DNER: variants seen among roughly 807,000 people sequenced by gnomAD.
DNER encodes delta and Notch-like epidermal growth factor-related receptor.
In DNER, 33 loss-of-function variants were observed where a neutral mutation model predicts 78.2. The ratio of observed to expected loss-of-function variants is 0.42; its 90% CI spans 0.32 to 0.56. DNER has a LOEUF of 0.56. DNER is among the 20% of genes least tolerant of loss of function. The pLI is 0.11. For synonymous variants in DNER, 417 were observed against 384.8 expected (o/e 1.08, Z -0.98); for missense variants, 918 against 975.3 (o/e 0.94, Z 0.78).
chr2:229,672,348 C>A (rs757884962), intron 1 of DNER, among the ~76,000 whole-genome samples: 1 of 151,518 alleles, frequency 6.6e-6, no homozygotes, highest in Non-Finnish European at 1.5e-5. Context: ...AGCAGCCGGA[C>A]TTTTGAGATG....
At chr2:229,647,202 T>C (rs866374950) in intron 1 of DNER, among the ~76,000 whole-genome samples, 1 of 151,956 alleles carries the variant, frequency 6.6e-6, no homozygotes, top group Non-Finnish European at 1.5e-5. Flanking sequence ...ACATACAGGG[T>C]AAGAAGAGGT....
chr2:229,639,620 A>G (rs912031021), intron 1 of DNER, among the ~76,000 whole-genome samples: 1 of 152,218 alleles, frequency 6.6e-6, no homozygotes, highest in East Asian at 1.9e-4. Context: ...CACAAAGAAT[A>G]AAAATAATGA....
chr2:229,518,280 T>C (rs1055925235), intron 5 of DNER, among the ~76,000 whole-genome samples: 14 of 152,348 alleles, frequency 9.2e-5, no homozygotes, highest in African/African-American at 3.1e-4. Context: ...AATAATTCCA[T>C]TCATTCAACA....
intron 1 of DNER, among the ~76,000 whole-genome samples, chr2:229,659,172 C>T (rs981292795): frequency 6.6e-6 from 1 of 152,090 alleles, no homozygotes; most frequent in Non-Finnish European, 1.5e-5. Flanking sequence ...GATGGGGCAT[C>T]CTTTCAAAGT....
At chr2:229,549,659 C>T (rs981552363) in intron 4 of DNER, among the ~76,000 whole-genome samples, 7 of 152,226 alleles carry the variant, frequency 4.6e-5, no homozygotes, top group East Asian at 1.9e-4. Flanking sequence ...TGCCTGTAAC[C>T]CCAGGATTTT....
chr2:229,495,267 G>A (rs1275265437), intron 6 of DNER, among the ~76,000 whole-genome samples: 1 of 152,098 alleles, frequency 6.6e-6, no homozygotes, highest in African/African-American at 2.4e-5. Flanking sequence ...CTCAGCCAAG[G>A]TTTTTGCCAC....
chr2:229,480,574 C>T (rs1322009594), intron 6 of DNER, among the ~76,000 whole-genome samples: 2 of 152,060 alleles, frequency 1.3e-5, no homozygotes, highest in Non-Finnish European at 2.9e-5. Context: ...TGTTAAGTGC[C>T]CCAATACCGT....
At chr2:229,610,187 A>G (rs1261889890) in intron 1 of DNER, among the ~76,000 whole-genome samples, 1 of 152,180 alleles carries the variant, frequency 6.6e-6, no homozygotes, top group African/African-American at 2.4e-5. Context: ...CAAGTTCTGA[A>G]AATAAACAGG....
At chr2:229,373,439 G>A (rs1692531536) in intron 11 of DNER, among the ~76,000 whole-genome samples, 1 of 152,138 alleles carries the variant, frequency 6.6e-6, no homozygotes, top group Non-Finnish European at 1.5e-5. Flanking sequence ...AAAAAGTCAA[G>A]AAACAACAGA....
intron 9 of DNER, among the ~76,000 whole-genome samples, chr2:229,414,489 TC>T (rs1462653199): frequency 6.6e-6 from 1 of 152,130 alleles, no homozygotes; most frequent in African/African-American, 2.4e-5. Context: ...ACTCCTGACT[TC>T]AGGTGATCTG....
At chr2:229,603,371 C>T (rs1697868786) in intron 1 of DNER, among the ~76,000 whole-genome samples, 1 of 152,012 alleles carries the variant, frequency 6.6e-6, no homozygotes, top group Admixed American at 6.5e-5. Flanking sequence ...ATGTAACAAA[C>T]CTGCATGTTG....
At position 229,524,753 on chromosome 2, in the gene DNER, T is replaced by C. The variant is rs113644218; in HGVS notation, c.994-11817A>G. Among the ~76,000 whole-genome samples the C allele has an allele frequency of 8.5e-5, 13 of 152,282 alleles. 1 individual carries two copies. Among genetic ancestry groups the C allele is most frequent in the South Asian group, 6.2e-4 (3 of 4,818 alleles). ...ACCAGGGAGGAGCTGCACCTGCACC[T>C]GGTCCAGGTAAAAGGGTGAAGCCCT... On this transcript the variant is annotated intron_variant, in intron 5 of 12. Transcript: ENST00000341772.
chr2:229,484,029 T>C (rs1252077959), intron 6 of DNER, among the ~76,000 whole-genome samples: 1 of 151,728 alleles, frequency 6.6e-6, no homozygotes, highest in Non-Finnish European at 1.5e-5. Context: ...ATAAACTCCC[T>C]GAGAATCAGG....
chr2:229,450,977 C>T (rs1694443516), intron 7 of DNER, among the ~76,000 whole-genome samples: 1 of 152,204 alleles, frequency 6.6e-6, no homozygotes, highest in Non-Finnish European at 1.5e-5. Flanking sequence ...GTGTTCACCA[C>T]CCCAGCAGTC....
chr2:229,620,496 T>A (rs983120858), intron 1 of DNER, among the ~76,000 whole-genome samples: 1 of 152,206 alleles, frequency 6.6e-6, no homozygotes, highest in Non-Finnish European at 1.5e-5. Flanking sequence ...CTCCTGTCAA[T>A]CACCTCACTG....
chr2:229,532,050 G>T (rs1194493656), intron 5 of DNER, among the ~76,000 whole-genome samples: 1 of 152,174 alleles, frequency 6.6e-6, no homozygotes, highest in Admixed American at 6.5e-5. Flanking sequence ...TATTTTGGGG[G>T]TGATGAGAAT....
chr2:229,393,576 A>AGTGGCT, intron 10 of DNER, among the ~76,000 whole-genome samples: 1 of 152,160 alleles, frequency 6.6e-6, no homozygotes, highest in Non-Finnish European at 1.5e-5. Flanking sequence ...AGCTGAGCAC[A>AGTGGCT]GTGGCTCACA....
intron 12 of DNER, among the ~76,000 whole-genome samples, chr2:229,364,567 T>A (rs1034786127): frequency 6.6e-6 from 1 of 152,036 alleles, no homozygotes; most frequent in Admixed American, 6.6e-5. Context: ...GAGGGTTGAG[T>A]TCTCTGTCCT....
At chr2:229,661,265 C>T (rs966431440) in intron 1 of DNER, among the ~76,000 whole-genome samples, 3 of 152,072 alleles carry the variant, frequency 2.0e-5, no homozygotes, top group African/African-American at 4.8e-5. Flanking sequence ...CAAGCACAAA[C>T]TGAAAAACTG....
Sources: allele counts gnomAD v4.1 joint callset (sites outside exome capture counted in the v4.1 genomes callset), GRCh38; gene constraint gnomAD v4.1.1; transcripts MANE v1.5; gene names NCBI Gene and HGNC (gene_info 2026-07-23, HGNC 2026-07-21).